AMZ1: variants seen among roughly 807,000 people sequenced by gnomAD.
The protein encoded by AMZ1 is archaelysin family metallopeptidase 1.
A neutral mutation model predicts 29.9 loss-of-function variants in AMZ1; 39 were observed. The observed-to-expected ratio is 1.30, with a 90% CI of 1.01 to 1.70. AMZ1 has a LOEUF of 1.70. Ranked by LOEUF, AMZ1 falls within the 40% of genes most tolerant of loss-of-function variation. The pLI is 0.00. For synonymous variants in AMZ1, 458 were observed against 304.0 expected (o/e 1.51, Z -5.27); for missense variants, 1,041 against 680.6 (o/e 1.53, Z -5.89).
intron 4 of AMZ1, among the ~76,000 whole-genome samples, chr7:2,727,896 A>C (rs1430306493): frequency 6.6e-6 from 1 of 151,914 alleles, no homozygotes; most frequent in Non-Finnish European, 1.5e-5. Context: ...TCTCTACTAA[A>C]AATACAAAAA....
Position 2,716,259 on chromosome 7 carries a change from C to T in AMZ1, c.*3381C>T, listed in dbSNP as rs1248315060. On this transcript the variant is annotated 3_prime_UTR_variant, in exon 7 of 7. Transcript: ENST00000683327. ...GCAAATCTCTCTTCAGGCAGCCCCG[C>T]AGTCCTCTTCCGAAATCTCATTCTT... The T allele has an allele frequency of 6.6e-6, 1 of 152,256 alleles. No homozygotes were observed. The highest frequency in any genetic ancestry group is 1.9e-4 in the East Asian group (1 of 5,202). The allele number at this position is 152,256 out of a possible 1,614,324, so 9.4% of individuals were successfully genotyped here. A position where few individuals can be genotyped will look rare whatever the true frequency, so the allele number is the denominator to read the frequency against.
intron 4 of AMZ1, among the ~76,000 whole-genome samples, chr7:2,747,214 C>G (rs1790809857): frequency 6.6e-6 from 1 of 152,074 alleles, no homozygotes; most frequent in Non-Finnish European, 1.5e-5. Context: ...AGAGACACAA[C>G]CAAAAAAGAG....
chr7:2,739,758 C>A (rs1350028815), intron 4 of AMZ1, among the ~76,000 whole-genome samples: 1 of 152,192 alleles, frequency 6.6e-6, no homozygotes, highest in African/African-American at 2.4e-5. Flanking sequence ...ACCGCAACCT[C>A]TGCCTCCTGG....
At chr7:2,760,116 G>A (rs1323084592), upstream of AMZ1, among the ~76,000 whole-genome samples, 1 of 152,266 alleles carries the variant, frequency 6.6e-6, no homozygotes, top group African/African-American at 2.4e-5. Context: ...GTGTAGCTTG[G>A]ATGTGTGGAC....
rs554505990 is a variant in AMZ1, at chr7:2,714,508, T to G, written c.*1630T>G. The G allele has an allele frequency of 6.6e-6, 1 of 151,362 alleles. No individual in the cohort carries two copies. Among genetic ancestry groups the G allele is most frequent in the African/African-American group, 2.4e-5 (1 of 41,092 alleles). 9.4% of individuals were successfully genotyped at this position (151,362 alleles called of 1,614,324 possible). ...CGTAACAGTGACCTGGGAGGGGAGA[T>G]GAAGAGCTAGGCCTTTCAGAAAGTG... On this transcript the variant is annotated 3_prime_UTR_variant, in exon 7 of 7. Coordinates refer to ENST00000683327, the MANE Select transcript of AMZ1 (RefSeq NM_001384743.1).
chr7:2,709,482 G>C (rs1375461360), intron 5 of AMZ1, among the ~76,000 whole-genome samples, 158 bp from the exon 6 acceptor site: 1 of 152,202 alleles, frequency 6.6e-6, no homozygotes, highest in Non-Finnish European at 1.5e-5. Flanking sequence ...CCCTGAAAGT[G>C]GCCTGTGCCG....
rs994884514 is a variant in AMZ1, at chr7:2,689,374, G to C, written c.-219+1078G>C. Among the ~76,000 whole-genome samples, 12 of 152,246 alleles carry C rather than the reference G, an allele frequency of 7.9e-5. No individual in the cohort carries two copies. In the East Asian group the frequency reaches 9.7e-4, roughly 12 times the overall value. Reference sequence around the variant, plus strand: ...CTTAGAGCGGCAGAACCTCCCTGGGGGGGGGATGCGGACGTGCTCTTTTCC... The same window carrying C: ...CTTAGAGCGGCAGAACCTCCCTGGGCGGGGGATGCGGACGTGCTCTTTTCC... On this transcript the variant is annotated intron_variant, in intron 1 of 6. Transcript: ENST00000683327.
chr7:2,680,838 G>C (rs538953775), intron 1 of AMZ1, among the ~76,000 whole-genome samples: 2 of 152,364 alleles, frequency 1.3e-5, no homozygotes, highest in South Asian at 4.1e-4. Flanking sequence ...CGACCCTGCT[G>C]GTCAAGCCCG....
At chr7:2,734,427 A>T (rs1296859659) in intron 4 of AMZ1, among the ~76,000 whole-genome samples, 2 of 152,246 alleles carry the variant, frequency 1.3e-5, no homozygotes, top group Non-Finnish European at 2.9e-5. Context: ...GGCTTGTGGG[A>T]AGAGCAGTCA....
At chr7:2,764,701 G>A (rs1185887219) in exon 1 of AMZ1, 4 of 152,224 alleles carry the variant, frequency 2.6e-5, no homozygotes, top group African/African-American at 9.7e-5. Flanking sequence ...TTATTTCTCT[G>A]TAAACTGTAG....
At chr7:2,725,340 C>T (rs574144179) in intron 4 of AMZ1, among the ~76,000 whole-genome samples, 1 of 152,344 alleles carries the variant, frequency 6.6e-6, no homozygotes, top group South Asian at 2.1e-4. Context: ...ACCAGACGGA[C>T]ACAGCTGCGC....
At chr7:2,732,922 A>T (rs1789973926) in intron 4 of AMZ1, among the ~76,000 whole-genome samples, 2 of 152,262 alleles carry the variant, frequency 1.3e-5, no homozygotes, top group South Asian at 4.1e-4. Context: ...ATCAACATGA[A>T]AACATTAATG....
rs1787828103 is a variant in AMZ1, at chr7:2,697,720, C to T, written c.-218-2514C>T. Among the ~76,000 whole-genome samples the T allele has an allele frequency of 8.5e-5, 13 of 152,312 alleles. No individual in the cohort carries two copies. The South Asian group carries it at 2.3e-3, about 27-fold the overall frequency. ...GATTACAGGTGTGAGCCACCACACT[C>T]AGCCAAAAACAGCATTTTTGTAGAA... On this transcript the variant is annotated intron_variant, in intron 1 of 6. Coordinates refer to ENST00000683327, the MANE Select transcript of AMZ1 (RefSeq NM_001384743.1).
At position 2,731,139 on chromosome 7, in the gene AMZ1, G is replaced by A. The variant is rs541762115; in HGVS notation, n.550+21323G>A. 11 of 1,371,216 alleles carry A rather than the reference G, an allele frequency of 8.0e-6. No individual in the cohort carries two copies. Among genetic ancestry groups the A allele is most frequent in the Admixed American group, 3.5e-5 (2 of 56,560 alleles). The allele number at this position is 1,371,216 out of a possible 1,614,324, so 84.9% of individuals were successfully genotyped here. ...ACACCCAAGAGTCTGACCGACAGCC[G>A]TGGGGGCTGCTCAACGACGACAAAC... is the stretch of plus-strand genomic sequence containing the variant. On this transcript the variant is annotated intron_variant and non_coding_transcript_variant, in intron 4 of 4. Transcript: ENST00000489665. This position sits in a 1 kb window ranked among gnomAD's most constrained non-coding sequence, Gnocchi z 6.0.
chr7:2,756,248 T>G (rs798498), intron 4 of AMZ1, among the ~76,000 whole-genome samples: 42,960 of 151,960 alleles, frequency 0.28, 6,306 homozygotes, highest in Admixed American at 0.3. Flanking sequence ...GATCTGCACA[T>G]AACTTAAAAA....
chr7:2,762,622 A>C, upstream of AMZ1: 1 of 1,554,724 alleles, frequency 6.4e-7, no homozygotes, highest in East Asian at 2.3e-5. Context: ...TCCGGATAAG[A>C]CCCCAATGCC....
chr7:2,697,072 G>A (rs56257609), intron 1 of AMZ1, among the ~76,000 whole-genome samples: 9,764 of 152,134 alleles, frequency 0.064, 963 homozygotes, highest in African/African-American at 0.22. Context: ...TCATTACGGC[G>A]TTTTTGGGCA....
At chr7:2,750,070 G>A (rs798503) in intron 4 of AMZ1, among the ~76,000 whole-genome samples, 63,657 of 152,012 alleles carry the variant, frequency 0.42, 13,492 homozygotes, top group Admixed American at 0.47. Flanking sequence ...AATATGATAA[G>A]TATGAAGAAA....
In AMZ1 at chr7:2,739,345, G is replaced by A. The variant is rs577278881; in HGVS notation, n.551-25367G>A. Among the ~76,000 whole-genome samples the A allele has an allele frequency of 5.3e-5, 8 of 152,276 alleles. No homozygotes were observed. The South Asian group carries it at 1.0e-3, about 20-fold the overall frequency. Reference sequence around the variant, plus strand: ...TGCTTTCTGTCTCCATGGATTTGCCGGTTCTGGATCTCTCATTGGAGCGCA... The same window carrying A: ...TGCTTTCTGTCTCCATGGATTTGCCAGTTCTGGATCTCTCATTGGAGCGCA... On this transcript the variant is annotated intron_variant and non_coding_transcript_variant, in intron 4 of 4. Coordinates refer to the AMZ1 transcript ENST00000489665.
Sources: gnomAD v4.1 joint callset for allele counts (sites outside exome capture counted in the v4.1 genomes callset) on GRCh38, gnomAD v4.1.1 for gene constraint, Gnocchi (gnomAD v3.1) non-coding constraint, MANE v1.5 for transcripts, NCBI Gene and HGNC (gene_info 2026-07-23, HGNC 2026-07-21) for gene names.